ALDH7A1: variants seen among roughly 807,000 people sequenced by gnomAD.
ALDH7A1 encodes aldehyde dehydrogenase 7 family member A1.
In ALDH7A1, 63 loss-of-function variants were observed where a neutral mutation model predicts 79.9. That is an observed-to-expected ratio of 0.79 (90% confidence interval 0.64 to 0.97). The LOEUF is 0.97. Ranked by LOEUF, ALDH7A1 falls within the 50% of genes least tolerant of loss-of-function variation. ALDH7A1 has a pLI of 0.00. For synonymous variants in ALDH7A1, 240 were observed against 231.2 expected (o/e 1.04, Z -0.34); for missense variants, 627 against 665.2 (o/e 0.94, Z 0.63).
At chr5:126,547,727 T>A (rs935611666) in intron 16 of ALDH7A1, among the ~76,000 whole-genome samples, 1 of 152,174 alleles carries the variant, frequency 6.6e-6, no homozygotes, top group African/African-American at 2.4e-5. Flanking sequence ...CTGACATCAA[T>A]TCAAAGGTAA....
chr5:126,567,192 G>A lies in ALDH7A1; in HGVS notation c.871+1067C>T, dbSNP rs572242577. Among the ~76,000 whole-genome samples the A allele has an allele frequency of 1.2e-4, 19 of 152,248 alleles. No individual in the cohort carries two copies. In the South Asian group the frequency reaches 3.9e-3, roughly 32 times the overall value. ...AAAGTTCTAAGTTGCTAGCCAATTGGGAGAAATACAAAATGTGAGGTCCCA... is the reference window on the plus strand; with the variant it reads ...AAAGTTCTAAGTTGCTAGCCAATTGAGAGAAATACAAAATGTGAGGTCCCA... On this transcript the variant is annotated intron_variant, in intron 9 of 17. Coordinates refer to ENST00000409134, the MANE Select transcript of ALDH7A1 (RefSeq NM_001182.5).
At chr5:126,577,363 A>G in intron 5 of ALDH7A1, 152 bp from the exon 6 acceptor site, 1 of 961,624 alleles carries the variant, frequency 1.0e-6, no homozygotes, top group South Asian at 1.4e-5. Context: ...TACATTAACT[A>G]ATGTACAACA....
chr5:126,594,548 G>C, intron 1 of ALDH7A1: 1 of 277,858 alleles, frequency 3.6e-6, no homozygotes, highest in South Asian at 3.5e-5. Flanking sequence ...GGGTTCAAGC[G>C]ATTCTCCTGC....
chr5:126,568,799 G>A (rs1240861589), intron 8 of ALDH7A1: 3 of 213,112 alleles, frequency 1.4e-5, no homozygotes, highest in South Asian at 8.1e-5. Context: ...AGGTGTGGAG[G>A]CATGCGCTAC....
chr5:126,583,116 AAC>A, intron 4 of ALDH7A1, 142 bp from the exon 5 acceptor site: 6 of 1,077,064 alleles, frequency 5.6e-6, no homozygotes, highest in African/African-American at 1.6e-5. Context: ...AGAATTTTAA[AAC>A]ACAACAATTG....
At chr5:126,575,388 T>C (rs1750929936) in intron 7 of ALDH7A1, 32 bp downstream of exon 7, 3 of 1,605,110 alleles carry the variant, frequency 1.9e-6, no homozygotes, top group Non-Finnish European at 1.7e-6. Context: ...TATTATTCCA[T>C]ACCCAGGAAA....
intron 11 of ALDH7A1, among the ~76,000 whole-genome samples, chr5:126,557,292 GAA>G (rs1341176110): frequency 5.3e-5 from 8 of 152,140 alleles, no homozygotes; most frequent in African/African-American, 1.9e-4. Flanking sequence ...AAACAAATAT[GAA>G]AAGTGTGAGA....
At chr5:126,565,552 G>A (rs900942092) in intron 9 of ALDH7A1, among the ~76,000 whole-genome samples, 2 of 152,032 alleles carry the variant, frequency 1.3e-5, no homozygotes, top group Non-Finnish European at 2.9e-5. Flanking sequence ...CTGCCATTCG[G>A]TAGGTTGTTC....
intron 12 of ALDH7A1, chr5:126,554,761 A>G (rs1387790905): frequency 8.5e-6 from 3 of 351,532 alleles, no homozygotes; most frequent in Non-Finnish European, 1.7e-5. Flanking sequence ...CTCAAAATAT[A>G]GGGTCAGTTT....
At chr5:126,552,223 T>TA (rs1186167795) in intron 13 of ALDH7A1, 86 bp from the exon 14 acceptor site, 2 of 965,930 alleles carry the variant, frequency 2.1e-6, no homozygotes, top group Non-Finnish European at 3.3e-6. Flanking sequence ...TGCCTACATT[T>TA]ATAAAGAAAA....
intron 1 of ALDH7A1, 187 bp from the exon 2 acceptor site, chr5:126,593,591 C>T: frequency 1.2e-6 from 1 of 818,152 alleles, no homozygotes. Flanking sequence ...CTGACTTAAA[C>T]ATTAGAAACT....
intron 12 of ALDH7A1, among the ~76,000 whole-genome samples, 190 bp downstream of exon 12, chr5:126,555,741 C>T (rs1317708007): frequency 1.3e-5 from 2 of 152,222 alleles, no homozygotes; most frequent in African/African-American, 4.8e-5. Flanking sequence ...CAGTCTCACC[C>T]ACTAGCACAC....
chr5:126,593,398 T>C lies in ALDH7A1; in HGVS notation c.199A>G (p.Thr67Ala). Residue 67 changes from threonine (T) to alanine (A), a missense_variant, in exon 2 of 18, where the codon ACG (threonine) becomes GCG (alanine). Physicochemically the swap from Thr to Ala is moderately conservative, Grantham distance 58. Coordinates refer to ENST00000409134, the MANE Select transcript of ALDH7A1 (RefSeq NM_001182.5). ...GSWGGRGEVI[T>A]TYCPANNEPI... ...TCGTTGTTAGCAGGGCAATAGGTCG[T>C]AATAACCTTAAAACAAAAGGATGAT... 1.9e-6 allele frequency: 3 copies of C among 1,613,586 alleles called. No individual in the cohort carries two copies.
At chr5:126,593,571 T>C in intron 1 of ALDH7A1, 167 bp from the exon 2 acceptor site, 1 of 955,468 alleles carries the variant, frequency 1.0e-6, no homozygotes, top group Non-Finnish European at 1.6e-6. Flanking sequence ...ACAGAGGTTG[T>C]CTTTCATTTC....
At chr5:126,594,212 G>A in intron 1 of ALDH7A1, 1 of 471,068 alleles carries the variant, frequency 2.1e-6, no homozygotes, top group Non-Finnish European at 4.4e-6. Flanking sequence ...GTCCTCAAAG[G>A]AGTTCACAGC....
At chr5:126,558,405 G>A (rs1482405938) in intron 11 of ALDH7A1, among the ~76,000 whole-genome samples, 1 of 151,964 alleles carries the variant, frequency 6.6e-6, no homozygotes, top group Non-Finnish European at 1.5e-5. Flanking sequence ...TATGTATGCA[G>A]GCTATATATG....
chr5:126,590,941 G>A lies in ALDH7A1; in HGVS notation c.312+1723C>T, dbSNP rs528677015. Among the ~76,000 whole-genome samples the A allele has an allele frequency of 6.0e-5, 9 of 150,618 alleles. No individual in the cohort carries two copies. In the East Asian group the frequency reaches 9.7e-4, roughly 16 times the overall value. On this transcript the variant is annotated intron_variant, in intron 3 of 17. Transcript: ENST00000409134. ...ATGGTATGGAATGCAAGCATCACAGGTCACAAAATTTTATACACACCATGT... is the reference window on the plus strand; with the variant it reads ...ATGGTATGGAATGCAAGCATCACAGATCACAAAATTTTATACACACCATGT...
At position 126,544,709 on chromosome 5, in the gene ALDH7A1, C is replaced by A. The variant is rs1227586751; in HGVS notation, c.*256G>T. 3 of 485,078 alleles carry A rather than the reference C, an allele frequency of 6.2e-6. No homozygotes were observed. Among genetic ancestry groups the A allele is most frequent in the Non-Finnish European group, 3.7e-6 (1 of 267,852 alleles). 30.0% of individuals were successfully genotyped at this position (485,078 alleles called of 1,614,324 possible). ...AAAATAATCATTAACTTTTAAAAAG[C>A]CATGTACAACTAGTTGACATAATAA... On this transcript the variant is annotated 3_prime_UTR_variant, in exon 18 of 18. Coordinates refer to ENST00000409134, the MANE Select transcript of ALDH7A1 (RefSeq NM_001182.5).
intron 9 of ALDH7A1, among the ~76,000 whole-genome samples, chr5:126,566,336 C>T (rs977290643): frequency 3.3e-5 from 5 of 152,056 alleles, no homozygotes; most frequent in Non-Finnish European, 7.4e-5. Flanking sequence ...TTCTTTTTGA[C>T]GCTACTACAA....
Sources: gnomAD v4.1 joint callset for allele counts (sites outside exome capture counted in the v4.1 genomes callset) on GRCh38, gnomAD v4.1.1 for gene constraint, MANE v1.5 for transcripts, NCBI Gene and HGNC (gene_info 2026-07-23, HGNC 2026-07-21) for gene names.